SMG5: variants seen among roughly 807,000 people sequenced by gnomAD.
The protein encoded by SMG5 is nonsense-mediated mRNA decay factor SMG5.
A neutral mutation model predicts 122.9 loss-of-function variants in SMG5; 53 were observed. That is an observed-to-expected ratio of 0.43 (90% CI 0.35 to 0.54). The LOEUF (loss-of-function observed/expected upper bound fraction) is 0.54. Ranked by LOEUF, SMG5 falls within the 20% of genes least tolerant of loss-of-function variation. SMG5 has a pLI of 0.01. For synonymous variants in SMG5, 477 were observed against 490.2 expected (o/e 0.97, Z 0.35); for missense variants, 1,153 against 1,285.6 (o/e 0.90, Z 1.58).
At position 156,267,545 on chromosome 1, in the gene SMG5, C is replaced by T. The variant is rs1370529010; in HGVS notation, c.1042G>A (p.Ala348Thr). Reference protein sequence around the residue: ...EDEEEYESGYAFLPDLLIFQM... With the variant: ...EDEEEYESGYTFLPDLLIFQM... ...AAGATGAGAAGGTCCGGGAGGAAAG[C>T]ATATCCACTCTCATACTCCTCCTCA... The change falls in exon 10 of 22, where the codon GCT becomes ACT. Residue 348 changes from alanine to threonine, a missense_variant. This residue lies in a region of SMG5 where 631 missense variants were observed against 650.6 expected (regional missense o/e 0.97). Transcript: ENST00000361813. The T allele has an allele frequency of 6.2e-7, 1 of 1,614,092 alleles. No homozygotes were observed. Among genetic ancestry groups the T allele is most frequent in the Non-Finnish European group, 8.5e-7 (1 of 1,180,026 alleles).
Position 156,250,842 on chromosome 1 carries a change from C to T in SMG5, c.2967+16G>A. ...TCCCTATTCCACACCATCCCCCCAC[C>T]TCACCCATGACCCACCTGCATGGGG... On this transcript the variant is annotated intron_variant, in intron 21 of 21. Coordinates refer to ENST00000361813, the MANE Select transcript of SMG5 (RefSeq NM_015327.3). The T allele has an allele frequency of 6.2e-7, 1 of 1,613,390 alleles. No individual in the cohort carries two copies. Among genetic ancestry groups the T allele is most frequent in the Non-Finnish European group, 8.5e-7 (1 of 1,179,542 alleles).
intron 7 of SMG5, among the ~76,000 whole-genome samples, chr1:156,270,798 G>A (rs371287980): frequency 1.3e-4 from 20 of 152,182 alleles, no homozygotes; most frequent in African/African-American, 4.3e-4. Context: ...ACCTGAGGTC[G>A]GGAGTTTGAG....
chr1:156,271,401 G>A (rs969615381), intron 7 of SMG5, among the ~76,000 whole-genome samples: 2 of 152,096 alleles, frequency 1.3e-5, no homozygotes, highest in African/African-American at 2.4e-5. Flanking sequence ...CTGATTAGGT[G>A]ACAAAGGTCA....
chr1:156,269,508 G>A (rs530179697), intron 7 of SMG5, among the ~76,000 whole-genome samples: 127 of 151,366 alleles, frequency 8.4e-4, no homozygotes, highest in Non-Finnish European at 8.0e-4. Context: ...AGGCTGAGGC[G>A]GGCGTATCAA....
intron 7 of SMG5, 139 bp from the exon 8 acceptor site, chr1:156,268,554 G>T: frequency 9.4e-7 from 1 of 1,058,354 alleles, no homozygotes; most frequent in Non-Finnish European, 1.4e-6. Flanking sequence ...AGGGTAAAAG[G>T]CTCATGAGCT....
At chr1:156,288,340 CTTT>C in the SMG5 span, among the ~76,000 whole-genome samples, 1 of 133,140 alleles carries the variant, frequency 7.5e-6, no homozygotes, top group Admixed American at 7.5e-5. Flanking sequence ...CTTTTTTTTT[CTTT>C]TTTTTTTTTT....
chr1:156,275,781 C>T (rs1173674283), intron 4 of SMG5, among the ~76,000 whole-genome samples: 1 of 151,642 alleles, frequency 6.6e-6, no homozygotes, highest in African/African-American at 2.4e-5. Flanking sequence ...TGGACATGGT[C>T]CCAGAATAAT....
At chr1:156,285,052 C>T (rs1572606332), upstream of SMG5, 13 of 612,920 alleles carry the variant, frequency 2.1e-5, no homozygotes, top group South Asian at 3.3e-4. Context: ...CTCTGTACCA[C>T]GTTCTCCCTA....
Position 156,273,404 on chromosome 1 carries a change from G to A in SMG5, c.591C>T (p.Ala197=), listed in dbSNP as rs151161240. 3.3e-4 allele frequency: 540 copies of A among 1,613,986 alleles called. 5 individuals are homozygous for A. Among genetic ancestry groups the A allele is most frequent in the South Asian group, 1.8e-3 (168 of 91,062 alleles). The change falls in exon 6 of 22, where the codon GCC becomes GCT. Residue 197 remains alanine (A), a synonymous_variant. Transcript: ENST00000361813. The part of the protein sequence containing the change: ...ELAGVDTELL[A]ERFYYQALSV... ...ACAGGGCTTGGTAGTAAAATCTCTCGGCTAGCAGCTCGGTATCTACGCCAG... is the reference window on the plus strand; with the variant it reads ...ACAGGGCTTGGTAGTAAAATCTCTCAGCTAGCAGCTCGGTATCTACGCCAG...
upstream of SMG5, chr1:156,286,614 C>T: frequency 1.2e-6 from 1 of 803,962 alleles, no homozygotes; most frequent in South Asian, 1.7e-5. Flanking sequence ...ATAAGTCCAC[C>T]TTCTCTCTTG....
At chr1:156,285,350 C>G, upstream of SMG5, 1 of 1,572,974 alleles carries the variant, frequency 6.4e-7, no homozygotes, top group Non-Finnish European at 8.6e-7. Flanking sequence ...GGCCGAATCC[C>G]CGGGAGCTGA....
chr1:156,251,382 G>A (rs1484956450), intron 20 of SMG5, 21 bp downstream of exon 20: 2 of 1,613,858 alleles, frequency 1.2e-6, no homozygotes, highest in Middle Eastern at 1.7e-4. Flanking sequence ...GAGGTTCTAG[G>A]GGTGAGGGCT....
At position 156,265,897 on chromosome 1, in the gene SMG5, C is replaced by G; in HGVS notation, c.1739G>C (p.Cys580Ser). ...GCTAAAGGTGGGGGCCAGTCGGAAG[C>G]AGCGCTTAGTCTGGAACATCTGGGT... ...MSTQMFQTKR[C>S]FRLAPTFSNL... Residue 580 changes from cysteine to serine, a missense_variant, in exon 12 of 22, where the codon TGC becomes TCC. Physicochemically the swap from Cys to Ser is moderately radical, Grantham distance 112. This residue lies in a region of SMG5 where 631 missense variants were observed against 650.6 expected (regional missense o/e 0.97). Transcript: ENST00000361813. 1.2e-6 allele frequency: 2 copies of G among 1,614,172 alleles called. No homozygotes were observed.
At position 156,273,409 on chromosome 1, in the gene SMG5, G is replaced by T. The variant is rs1187214435; in HGVS notation, c.586C>A (p.Leu196Ile). The change falls in exon 6 of 22, where the codon CTA (leucine) becomes ATA (isoleucine). Residue 196 changes from leucine (L) to isoleucine (I), a missense_variant. Leu to Ile is a conservative substitution (Grantham distance 5). This residue lies in a region of SMG5 where 85 missense variants were observed against 127.3 expected (regional missense o/e 0.67). Transcript: ENST00000361813. ...GCTTGGTAGTAAAATCTCTCGGCTAGCAGCTCGGTATCTACGCCAGCTAAT... is the reference window on the plus strand; with the variant it reads ...GCTTGGTAGTAAAATCTCTCGGCTATCAGCTCGGTATCTACGCCAGCTAAT... ...NELAGVDTEL[L>I]AERFYYQALS... 3 of 1,614,084 alleles carry T rather than the reference G, an allele frequency of 1.9e-6. No individual in the cohort carries two copies. Among genetic ancestry groups the T allele is most frequent in the Admixed American group, 3.3e-5 (2 of 60,014 alleles).
intron 16 of SMG5, among the ~76,000 whole-genome samples, chr1:156,254,278 T>C (rs1490851934): frequency 6.6e-6 from 1 of 152,190 alleles, no homozygotes; most frequent in Non-Finnish European, 1.5e-5. Flanking sequence ...AGGCAATCTT[T>C]TAAAAACCAT....
At chr1:156,284,884 G>A (rs1452279041), upstream of SMG5, among the ~76,000 whole-genome samples, 1 of 152,182 alleles carries the variant, frequency 6.6e-6, no homozygotes, top group Non-Finnish European at 1.5e-5. Flanking sequence ...TTTGGTGGAG[G>A]GGCATAGAAG....
At chr1:156,257,088 G>A (rs533767137) in intron 16 of SMG5, among the ~76,000 whole-genome samples, 11 of 152,070 alleles carry the variant, frequency 7.2e-5, no homozygotes, top group Admixed American at 1.3e-4. Flanking sequence ...CACCATGCCC[G>A]GCTATTTTTT....
intron 12 of SMG5, 120 bp downstream of exon 12, chr1:156,265,661 G>C (rs1367563694): frequency 6.9e-6 from 10 of 1,444,692 alleles, no homozygotes; most frequent in Middle Eastern, 2.1e-4. Context: ...CACAGGCAGA[G>C]GGCCAAAGGT....
At chr1:156,258,221 T>C (rs1661664177) in intron 16 of SMG5, among the ~76,000 whole-genome samples, 1 of 152,234 alleles carries the variant, frequency 6.6e-6, no homozygotes, top group African/African-American at 2.4e-5. Flanking sequence ...CGCTCCCTTC[T>C]ATTCCTCAGT....
Sources: allele counts gnomAD v4.1 joint callset (sites outside exome capture counted in the v4.1 genomes callset), GRCh38; gene constraint gnomAD v4.1.1; regional missense constraint gnomAD v4.1.1; transcripts MANE v1.5; gene names NCBI Gene and HGNC (gene_info 2026-07-23, HGNC 2026-07-21).